RAPGEF4: variants seen among roughly 807,000 people sequenced by gnomAD.
RAPGEF4 encodes RAP guanine-nucleotide-exchange factor (GEF) 4.
RAPGEF4 carries 66 observed loss-of-function variants against 147.9 expected under a neutral mutation model. The ratio of observed to expected loss-of-function variants is 0.45; its 90% CI spans 0.37 to 0.55. The LOEUF is 0.55. Among genes scored for constraint, RAPGEF4 ranks in the 20% least tolerant of loss-of-function variants. The pLI is 0.00. For missense variants in RAPGEF4, 1,071 were observed against 1,257.3 expected (o/e 0.85, Z 2.24); for synonymous variants, 419 against 442.7 (o/e 0.95, Z 0.67).
Position 172,979,967 on chromosome 2 carries a change from A to G in RAPGEF4, c.1005-3529A>G, listed in dbSNP as rs575107571. 1.4e-3 allele frequency among the ~76,000 whole-genome samples: 206 copies of G among 152,358 alleles called. 2 individuals carry two copies. The highest frequency in any genetic ancestry group is 4.7e-3 in the African/African-American group (197 of 41,594). ...GGGGGGCAGAGCTTGCAGTGAGCCAAGATCACACTACTGCACTCCAGCCTG... is the reference window on the plus strand; with the variant it reads ...GGGGGGCAGAGCTTGCAGTGAGCCAGGATCACACTACTGCACTCCAGCCTG... On this transcript the variant is annotated intron_variant, in intron 10 of 30. Transcript: ENST00000397081.
intron 4 of RAPGEF4, among the ~76,000 whole-genome samples, chr2:172,887,397 G>T (rs1313441115): frequency 6.6e-6 from 1 of 152,086 alleles, no homozygotes; most frequent in African/African-American, 2.4e-5. Flanking sequence ...TCTCTGTAAT[G>T]CCTATAGGAA....
intron 14 of RAPGEF4, 141 bp downstream of exon 14, chr2:172,988,980 G>T (rs1306667446): frequency 2.1e-6 from 2 of 947,678 alleles, no homozygotes; most frequent in Non-Finnish European, 3.1e-6. Flanking sequence ...TTACAAACCG[G>T]TTATATTTAA....
rs78313288 is a variant in RAPGEF4, at chr2:172,979,596, T to C, written c.1005-3900T>C. ...AGTTTCTGCTTCCAATCTAGTGCCT[T>C]TGCACTACCAGATACTGCTTCTCTT... On this transcript the variant is annotated intron_variant, in intron 10 of 30. Transcript: ENST00000397081. Among the ~76,000 whole-genome samples the C allele has an allele frequency of 3.9e-3, 600 of 152,352 alleles. 11 individuals are homozygous for C. Among genetic ancestry groups the C allele is most frequent in the Admixed American group, 0.031 (473 of 15,312 alleles).
chr2:172,781,507 C>T (rs966400582), intron 1 of RAPGEF4, among the ~76,000 whole-genome samples: 7 of 152,126 alleles, frequency 4.6e-5, no homozygotes, highest in African/African-American at 1.4e-4. Flanking sequence ...TGGCCTCAAG[C>T]GATCTTCCTG....
At chr2:172,746,543 T>C (rs1694786485) in intron 1 of RAPGEF4, among the ~76,000 whole-genome samples, 1 of 152,344 alleles carries the variant, frequency 6.6e-6, no homozygotes, top group East Asian at 1.9e-4. Context: ...AAAAACACTT[T>C]TATTGAATAA....
intron 6 of RAPGEF4, among the ~76,000 whole-genome samples, chr2:172,946,325 A>T (rs1253559032): frequency 1.3e-5 from 2 of 152,220 alleles, no homozygotes; most frequent in Non-Finnish European, 2.9e-5. Context: ...TGGTTTTGGA[A>T]GATTAAACTT....
intron 22 of RAPGEF4, among the ~76,000 whole-genome samples, chr2:173,020,333 G>A (rs985071883): frequency 1.6e-4 from 25 of 152,130 alleles, no homozygotes; most frequent in Non-Finnish European, 3.2e-4. Context: ...AGCCAAGTGC[G>A]GGTTTTATGT....
intron 6 of RAPGEF4, among the ~76,000 whole-genome samples, chr2:172,925,194 T>A (rs1685160448): frequency 6.6e-6 from 1 of 152,224 alleles, no homozygotes. Flanking sequence ...TTAGCCAGGA[T>A]GGTCTTGATC....
At chr2:172,846,281 AC>A (rs1383073523) in intron 4 of RAPGEF4, among the ~76,000 whole-genome samples, 2 of 152,176 alleles carry the variant, frequency 1.3e-5, no homozygotes, top group Admixed American at 1.3e-4. Flanking sequence ...CCAGTGGCCT[AC>A]TTTCAGTCTC....
chr2:172,793,977 A>C (rs1686094405), intron 1 of RAPGEF4, among the ~76,000 whole-genome samples: 1 of 152,096 alleles, frequency 6.6e-6, no homozygotes, highest in Non-Finnish European at 1.5e-5. Flanking sequence ...CAGTACAAAA[A>C]ATTAGCTGGA....
chr2:172,749,496 C>G (rs1695070453), intron 1 of RAPGEF4, among the ~76,000 whole-genome samples: 1 of 152,320 alleles, frequency 6.6e-6, no homozygotes, highest in Middle Eastern at 3.4e-3. Flanking sequence ...GCTGGGACAG[C>G]TGGGACAAAG....
At chr2:172,911,330 CG>C (rs1050570251) in intron 4 of RAPGEF4, among the ~76,000 whole-genome samples, 1 of 152,122 alleles carries the variant, frequency 6.6e-6, no homozygotes, top group Non-Finnish European at 1.5e-5. Flanking sequence ...TCACTTAACA[CG>C]GGGGAAAGGT....
At chr2:172,854,756 A>T (rs1693226626) in intron 4 of RAPGEF4, among the ~76,000 whole-genome samples, 1 of 152,146 alleles carries the variant, frequency 6.6e-6, no homozygotes, top group Admixed American at 6.5e-5. Context: ...AGTTATAAGT[A>T]CAAGAGCTTT....
intron 16 of RAPGEF4, among the ~76,000 whole-genome samples, chr2:173,000,556 T>C (rs3754753): frequency 0.31 from 46,487 of 151,988 alleles, 7,253 homozygotes; most frequent in Non-Finnish European, 0.34. Flanking sequence ...AATTCAATGA[T>C]GAAGTAAATG....
At chr2:172,739,643 A>G (rs1311040642) in intron 1 of RAPGEF4, among the ~76,000 whole-genome samples, 2 of 152,162 alleles carry the variant, frequency 1.3e-5, no homozygotes, top group Non-Finnish European at 2.9e-5. Flanking sequence ...AGTGCTGGGA[A>G]TACAGGTGTG....
At chr2:172,926,751 T>C (rs1236087429) in intron 6 of RAPGEF4, among the ~76,000 whole-genome samples, 2 of 152,106 alleles carry the variant, frequency 1.3e-5, no homozygotes, top group South Asian at 2.1e-4. Context: ...TTTGTATTTT[T>C]AGTAGAGACA....
chr2:173,001,342 C>G lies in RAPGEF4; in HGVS notation c.1656C>G (p.Ala552=). ...CCCAGCTTTGCCCGGCACTGGTGGC[C>G]CAATATCCTTTTATTGTGATTGTAA... The part of the protein sequence containing the change: ...PNTQLCPALV[A]HYHAQPSQGT... The change falls in exon 17 of 31, where the codon GCC becomes GCG. Residue 552 remains alanine, a splice_region_variant and synonymous_variant. Transcript: ENST00000397081. The G allele has an allele frequency of 6.2e-7, 1 of 1,613,914 alleles. No individual in the cohort carries two copies. Among genetic ancestry groups the G allele is most frequent in the Admixed American group, 1.7e-5 (1 of 59,998 alleles).
chr2:172,851,927 A>G (rs1692881847), intron 4 of RAPGEF4, among the ~76,000 whole-genome samples: 1 of 152,206 alleles, frequency 6.6e-6, no homozygotes, highest in Non-Finnish European at 1.5e-5. Context: ...CTATAGAACA[A>G]ACTTGTACAT....
At chr2:172,738,844 A>G (rs1387288226) in intron 1 of RAPGEF4, among the ~76,000 whole-genome samples, 1 of 152,204 alleles carries the variant, frequency 6.6e-6, no homozygotes, top group African/African-American at 2.4e-5. Context: ...TGGGACTGGA[A>G]ATAAAAAGAG....
Sources: allele counts gnomAD v4.1 joint callset (sites outside exome capture counted in the v4.1 genomes callset), GRCh38; gene constraint gnomAD v4.1.1; transcripts MANE v1.5; gene names NCBI Gene and HGNC (gene_info 2026-07-23, HGNC 2026-07-21).